Variants in C2CD3 observed in about 807,000 individuals in gnomAD.
C2CD3 encodes C2 domain containing 3 centriole elongation regulator.
A neutral mutation model predicts 234.0 loss-of-function variants in C2CD3; 148 were observed. The observed-to-expected ratio is 0.63, with a 90% CI of 0.55 to 0.72. The LOEUF is 0.72. C2CD3 is among the 30% of genes least tolerant of loss of function. The pLI, the probability that C2CD3 is intolerant of heterozygous loss-of-function variation, is 0.00. For synonymous variants in C2CD3, 1,000 were observed against 1,035.4 expected (o/e 0.97, Z 0.66); for missense variants, 2,577 against 2,811.5 (o/e 0.92, Z 1.89).
Position 74,017,628 on chromosome 11 carries a change from G to A in C2CD3, c.6922-4103C>T, listed in dbSNP as rs143107173. On this transcript the variant is annotated intron_variant, in intron 32 of 32. Coordinates refer to ENST00000334126, the MANE Select transcript of C2CD3 (RefSeq NM_001286577.2). Reference sequence around the variant, plus strand: ...TGGCTCTACCACTTCTTAGCCAAGCGGTGTTGGGCAACCCACCTTCTCTTT... The same window carrying A: ...TGGCTCTACCACTTCTTAGCCAAGCAGTGTTGGGCAACCCACCTTCTCTTT... Among the ~76,000 whole-genome samples the A allele has an allele frequency of 1.6e-4, 24 of 152,278 alleles. No homozygotes were observed. In the South Asian group the frequency reaches 4.3e-3, roughly 28 times the overall value.
At position 74,100,556 on chromosome 11, in the gene C2CD3, G is replaced by C; in HGVS notation, c.2701C>G (p.Leu901Val). The C allele has an allele frequency of 6.2e-7, 1 of 1,612,582 alleles. No homozygotes were observed. Among genetic ancestry groups the C allele is most frequent in the South Asian group, 1.1e-5 (1 of 90,682 alleles). Residue 901 changes from leucine to valine, a missense_variant, in exon 15 of 33, where the codon CTT becomes GTT. Transcript: ENST00000334126. ...GACATGTAAAACTGGTGGAGGGGAA[G>C]TTTCACCAGCCCGAGCAGCTTGTCC... ...GQDKLLGLVK[L>V]PLHQFYMSFK...
intron 29 of C2CD3, among the ~76,000 whole-genome samples, chr11:74,040,946 T>G (rs966494070): frequency 2.7e-5 from 4 of 148,314 alleles, no homozygotes; most frequent in Non-Finnish European, 5.9e-5. Context: ...ACACCCCTTT[T>G]AAACATTTTT....
chr11:74,113,230 C>G (rs181635043), intron 11 of C2CD3: 1 of 154,130 alleles, frequency 6.5e-6, no homozygotes, highest in Non-Finnish European at 1.4e-5. Context: ...TTATATGAGA[C>G]ATCCAGAATG....
chr11:74,034,659 G>T (rs1316564788), intron 30 of C2CD3: 1 of 1,457,684 alleles, frequency 6.9e-7, no homozygotes, highest in Admixed American at 1.7e-5. Flanking sequence ...TTTGATGACA[G>T]TTATTAAAAC....
intron 28 of C2CD3, among the ~76,000 whole-genome samples, chr11:74,047,042 A>T (rs145497124): frequency 1.5e-3 from 233 of 152,362 alleles, no homozygotes; most frequent in Non-Finnish European, 2.0e-3. Flanking sequence ...AGAAAGCTAA[A>T]GCTCAGAAAA....
intron 3 of C2CD3, among the ~76,000 whole-genome samples, chr11:74,155,146 T>C (rs1218601396): frequency 2.0e-5 from 3 of 152,242 alleles, no homozygotes; most frequent in African/African-American, 4.8e-5. Context: ...TTATAGCTTC[T>C]ATTTCTTCAC....
chr11:74,168,281 C>T, intron 2 of C2CD3, 63 bp downstream of exon 2: 2 of 1,357,382 alleles, frequency 1.5e-6, no homozygotes, highest in Non-Finnish European at 2.1e-6. Flanking sequence ...ACACTTATTG[C>T]TGACAATATA....
Position 74,131,333 on chromosome 11 carries a change from A to C in C2CD3, c.1217+1511T>G, listed in dbSNP as rs553428988. Reference sequence around the variant, plus strand: ...GTGAGACTCGGTCTCAAAAAAAAAAAAAAACTATCTATCTGTCTATCTCTC... The same window carrying C: ...GTGAGACTCGGTCTCAAAAAAAAAACAAAACTATCTATCTGTCTATCTCTC... On this transcript the variant is annotated intron_variant, in intron 7 of 32. Transcript: ENST00000334126. 2.0e-5 allele frequency among the ~76,000 whole-genome samples: 3 copies of C among 151,836 alleles called. No individual in the cohort carries two copies. In the East Asian group the frequency reaches 5.9e-4, roughly 30 times the overall value.
intron 24 of C2CD3, among the ~76,000 whole-genome samples, chr11:74,066,935 C>T (rs2135452108): frequency 6.6e-6 from 1 of 152,212 alleles, no homozygotes; most frequent in Non-Finnish European, 1.5e-5. Flanking sequence ...AAAACAACTA[C>T]AATAAGCATA....
In C2CD3 at chr11:74,043,075, C is replaced by T. The variant is rs542207575; in HGVS notation, c.5496-857G>A. ...CAATGGTTTTTAGTATATGCAGTTA[C>T]GTAACTGTTACCACAATCAGTTTTA... On this transcript the variant is annotated intron_variant, in intron 28 of 32. Coordinates refer to ENST00000334126, the MANE Select transcript of C2CD3 (RefSeq NM_001286577.2). Among the ~76,000 whole-genome samples the T allele has an allele frequency of 1.1e-4, 16 of 152,292 alleles. No individual in the cohort carries two copies. In the Middle Eastern group the frequency reaches 0.01, roughly 97 times the overall value.
At chr11:74,133,365 A>G in intron 6 of C2CD3, 60 bp downstream of exon 6, 2 of 1,496,834 alleles carry the variant, frequency 1.3e-6, no homozygotes, top group Non-Finnish European at 1.9e-6. Flanking sequence ...TTGACAAAAA[A>G]CACAGGTTAA....
At chr11:74,122,912 C>CAAGTGA in intron 8 of C2CD3, 76 bp downstream of exon 8, 2 of 1,045,960 alleles carry the variant, frequency 1.9e-6, no homozygotes, top group Non-Finnish European at 2.9e-6. Flanking sequence ...AAATGCATAG[C>CAAGTGA]TGTCATGCCT....
At chr11:74,058,982 GCACTGAATAATAGA>G (rs1156258958) in intron 24 of C2CD3, among the ~76,000 whole-genome samples, 1 of 152,112 alleles carries the variant, frequency 6.6e-6, no homozygotes, top group Admixed American at 6.5e-5. Context: ...CTTTTGGATA[GCACTGAATAATAGA>G]CACTTTACAA....
At chr11:74,085,525 T>TGAAAGTATTTA in intron 21 of C2CD3, 93 bp downstream of exon 21, 1 of 1,298,184 alleles carries the variant, frequency 7.7e-7, no homozygotes. Context: ...TCCTCACCTT[T>TGAAAGTATTTA]AAATACTGCA....
At chr11:74,067,904 G>A (rs1410300322) in intron 24 of C2CD3, among the ~76,000 whole-genome samples, 2 of 152,124 alleles carry the variant, frequency 1.3e-5, no homozygotes, top group African/African-American at 4.8e-5. Flanking sequence ...GGGAAGCAGA[G>A]GACATCTTTC....
chr11:74,119,011 G>T (rs904724282), intron 8 of C2CD3, among the ~76,000 whole-genome samples: 1 of 150,034 alleles, frequency 6.7e-6, no homozygotes, highest in African/African-American at 2.5e-5. Context: ...TGGGGCTCAT[G>T]TGATCCTCTT....
intron 3 of C2CD3, among the ~76,000 whole-genome samples, chr11:74,152,483 G>A (rs943323127): frequency 3.3e-5 from 5 of 152,110 alleles, no homozygotes; most frequent in Non-Finnish European, 7.4e-5. Context: ...TCAATTCTAC[G>A]TTAACTCTTC....
rs1446870303 is a variant in C2CD3, at chr11:74,048,107, G to GT, written c.5495+97dup. The GT allele has an allele frequency of 4.6e-6, 6 of 1,317,930 alleles. No individual in the cohort carries two copies. In the African/African-American group the frequency reaches 7.4e-5, roughly 16 times the overall value. The allele number at this position is 1,317,930 out of a possible 1,614,324, so 81.6% of individuals were successfully genotyped here. A position where few individuals can be genotyped will look rare whatever the true frequency, so the allele number is the denominator to read the frequency against. The stretch of plus-strand genomic sequence containing the variant: ...ATCAACAAAGCTCTTACCCTGTCTT[G>GT]TTTTTTCCTCTAATAAAGGAAAGAG... On this transcript the variant is annotated intron_variant, in intron 28 of 32. Coordinates refer to ENST00000334126, the MANE Select transcript of C2CD3 (RefSeq NM_001286577.2).
intron 32 of C2CD3, among the ~76,000 whole-genome samples, chr11:74,016,432 G>T (rs1288259657): frequency 6.6e-6 from 1 of 152,144 alleles, no homozygotes; most frequent in Non-Finnish European, 1.5e-5. Flanking sequence ...TATCTGCCCT[G>T]GAGCTGAATC....
Sources: allele counts gnomAD v4.1 joint callset (sites outside exome capture counted in the v4.1 genomes callset), GRCh38; gene constraint gnomAD v4.1.1; transcripts MANE v1.5; gene names NCBI Gene and HGNC (gene_info 2026-07-23, HGNC 2026-07-21).